MGAT4C: variants seen among roughly 807,000 people sequenced by gnomAD.
The protein encoded by MGAT4C is alpha-1,3-mannosyl-glycoprotein 4-beta-N-acetylglucosaminyltransferase C.
MGAT4C carries 19 observed loss-of-function variants against 40.1 expected under a neutral mutation model. The ratio of observed to expected loss-of-function variants is 0.47; its 90% CI spans 0.33 to 0.70. The LOEUF (loss-of-function observed/expected upper bound fraction) is 0.70. Among genes scored for constraint, MGAT4C ranks in the 30% least tolerant of loss-of-function variants. The pLI is 0.02. For missense variants in MGAT4C, 491 were observed against 563.2 expected (o/e 0.87, Z 1.30); for synonymous variants, 181 against 187.1 (o/e 0.97, Z 0.27).
chr12:86,309,894 C>A (rs937679252), intron 4 of MGAT4C, among the ~76,000 whole-genome samples: 6 of 152,058 alleles, frequency 3.9e-5, no homozygotes, highest in Non-Finnish European at 8.8e-5. Flanking sequence ...ATCTCTCTTG[C>A]ACAGTGTGCA....
rs1883392134 is a variant in MGAT4C, at chr12:85,966,839, T to C, written c.*12450A>G. On this transcript the variant is annotated 3_prime_UTR_variant, in exon 5 of 5. Coordinates refer to ENST00000611864, the MANE Select transcript of MGAT4C (RefSeq NM_001351288.2). ...ACTGCATGTTCTCATAGGTGGGAAC[T>C]GAACATTGAGAACACATAGACACAG... 1 of 147,302 alleles carries C rather than the reference T, an allele frequency of 6.8e-6. No homozygotes were observed. 9.1% of individuals were successfully genotyped at this position (147,302 alleles called of 1,614,324 possible). A position where few individuals can be genotyped will look rare whatever the true frequency, so the allele number is the denominator to read the frequency against.
chr12:86,114,837 TA>T (rs763622978), intron 1 of MGAT4C, among the ~76,000 whole-genome samples: 12 of 151,960 alleles, frequency 7.9e-5, no homozygotes, highest in Admixed American at 1.3e-4. Context: ...TTAAAGATGT[TA>T]AAATCTATTA....
At chr12:86,431,054 T>C (rs1220526343) in intron 3 of MGAT4C, among the ~76,000 whole-genome samples, 2 of 152,146 alleles carry the variant, frequency 1.3e-5, no homozygotes, top group African/African-American at 4.8e-5. Context: ...GGGAGGAGAT[T>C]GGCATCTCCT....
At chr12:86,440,121 C>A (rs1957201598) in intron 2 of MGAT4C, among the ~76,000 whole-genome samples, 1 of 152,172 alleles carries the variant, frequency 6.6e-6, no homozygotes, top group South Asian at 2.1e-4. Flanking sequence ...CTAACTCATT[C>A]TATGAAGCCA....
chr12:86,217,164 CTTATTTAT>C (rs552072386), intron 1 of MGAT4C, among the ~76,000 whole-genome samples: 60 of 151,928 alleles, frequency 3.9e-4, no homozygotes, highest in Admixed American at 3.1e-3. Context: ...TCTCCAGTTT[CTTATTTAT>C]TTATTTATTT....
At chr12:86,724,333 G>A (rs1027590208) in intron 2 of MGAT4C, among the ~76,000 whole-genome samples, 2 of 152,042 alleles carry the variant, frequency 1.3e-5, no homozygotes, top group African/African-American at 4.8e-5. Flanking sequence ...TGATGCAATT[G>A]GTCTTTGATA....
At chr12:86,615,155 C>A (rs1045534530) in intron 2 of MGAT4C, among the ~76,000 whole-genome samples, 1 of 151,894 alleles carries the variant, frequency 6.6e-6, no homozygotes, top group Admixed American at 6.6e-5. Flanking sequence ...GGTTTACTTT[C>A]TCTCATTACA....
At chr12:86,536,879 A>C (rs1166860702) in intron 2 of MGAT4C, among the ~76,000 whole-genome samples, 1 of 152,078 alleles carries the variant, frequency 6.6e-6, no homozygotes, top group Non-Finnish European at 1.5e-5. Flanking sequence ...TATATACCCA[A>C]AGGATTATAA....
At chr12:86,354,205 C>G (rs1955251991) in intron 3 of MGAT4C, among the ~76,000 whole-genome samples, 1 of 152,098 alleles carries the variant, frequency 6.6e-6, no homozygotes, top group Admixed American at 6.6e-5. Flanking sequence ...TCATATCATT[C>G]AGTCTGAACC....
intron 2 of MGAT4C, among the ~76,000 whole-genome samples, chr12:86,631,040 A>C (rs1465567965): frequency 6.6e-6 from 1 of 152,186 alleles, no homozygotes; most frequent in Non-Finnish European, 1.5e-5. Flanking sequence ...TAAGCTGATA[A>C]GCAACTTTAG....
chr12:86,591,343 C>T (rs1027319100), intron 2 of MGAT4C, among the ~76,000 whole-genome samples: 60 of 151,878 alleles, frequency 4.0e-4, no homozygotes, highest in African/African-American at 1.4e-3. Context: ...TTTAATGTTA[C>T]TATTTAGAGG....
intron 1 of MGAT4C, among the ~76,000 whole-genome samples, chr12:86,800,179 G>A (rs1028185413): frequency 1.3e-5 from 2 of 151,884 alleles, no homozygotes; most frequent in African/African-American, 4.8e-5. Flanking sequence ...AGAAAGCAGA[G>A]TATTTCTCCT....
chr12:86,630,179 T>C (rs1962981812), intron 2 of MGAT4C, among the ~76,000 whole-genome samples: 1 of 152,016 alleles, frequency 6.6e-6, no homozygotes, highest in African/African-American at 2.4e-5. Context: ...CCTCGACACA[T>C]ACACCCTCCC....
At chr12:86,766,916 G>A (rs1173195385) in intron 1 of MGAT4C, among the ~76,000 whole-genome samples, 2 of 151,886 alleles carry the variant, frequency 1.3e-5, no homozygotes, top group Non-Finnish European at 2.9e-5. Context: ...AGAGAAAGCA[G>A]GAAAGATAGA....
intron 2 of MGAT4C, among the ~76,000 whole-genome samples, chr12:86,631,712 C>T (rs1963050824): frequency 6.6e-6 from 1 of 151,930 alleles, no homozygotes; most frequent in African/African-American, 2.4e-5. Flanking sequence ...ATGTAGAAAG[C>T]TGAAACTGGA....
intron 1 of MGAT4C, among the ~76,000 whole-genome samples, chr12:86,166,733 G>T (rs1384319996): frequency 6.6e-6 from 1 of 152,068 alleles, no homozygotes; most frequent in Non-Finnish European, 1.5e-5. Context: ...AACAATACGT[G>T]AAAATCTAAA....
intron 1 of MGAT4C, among the ~76,000 whole-genome samples, chr12:86,239,129 A>C (rs552033082): frequency 6.6e-6 from 1 of 152,066 alleles, no homozygotes; most frequent in Non-Finnish European, 1.5e-5. Flanking sequence ...TAGCAACTGC[A>C]TTATTAAAAC....
chr12:86,465,549 G>C (rs1240964368), intron 2 of MGAT4C, among the ~76,000 whole-genome samples: 1 of 148,776 alleles, frequency 6.7e-6, no homozygotes, highest in East Asian at 1.9e-4. Context: ...AAAAACCTGA[G>C]TTAAAAAAAA....
chr12:86,117,835 T>G (rs1357424817), intron 1 of MGAT4C, among the ~76,000 whole-genome samples: 4 of 152,174 alleles, frequency 2.6e-5, no homozygotes, highest in Admixed American at 2.6e-4. Flanking sequence ...TTAATCACCA[T>G]AATGAACTTC....
Sources: gnomAD v4.1 joint callset for allele counts (sites outside exome capture counted in the v4.1 genomes callset) on GRCh38, gnomAD v4.1.1 for gene constraint, MANE v1.5 for transcripts, NCBI Gene and HGNC (gene_info 2026-07-23, HGNC 2026-07-21) for gene names.